The following GPC5 variants were observed in gnomAD, a reference collection of about 807,000 sequenced individuals.
GPC5 encodes glypican-5.
In GPC5, 47 loss-of-function variants were observed where a neutral mutation model predicts 53.9. The observed-to-expected ratio is 0.87, with a 90% CI of 0.69 to 1.11. The LOEUF (loss-of-function observed/expected upper bound fraction) is 1.11. Among genes scored for constraint, GPC5 ranks in the 50% most tolerant of loss-of-function variants. The pLI is 0.00. For synonymous variants in GPC5, 286 were observed against 263.3 expected (o/e 1.09, Z -0.84); for missense variants, 748 against 713.1 (o/e 1.05, Z -0.56).
intron 2 of GPC5, among the ~76,000 whole-genome samples, chr13:91,566,176 C>T (rs534246791): frequency 6.6e-6 from 1 of 152,264 alleles, no homozygotes; most frequent in South Asian, 2.1e-4. Context: ...CAATCTACTA[C>T]AGCCTCAAAA....
chr13:92,427,562 G>GA (rs1876890896), intron 7 of GPC5, among the ~76,000 whole-genome samples: 1 of 151,878 alleles, frequency 6.6e-6, no homozygotes, highest in South Asian at 2.1e-4. Context: ...AGTAATTGTA[G>GA]AAAAATGTCT....
chr13:92,553,924 T>C (rs1299805547), intron 7 of GPC5, among the ~76,000 whole-genome samples: 1 of 151,988 alleles, frequency 6.6e-6, no homozygotes, highest in Non-Finnish European at 1.5e-5. Flanking sequence ...TATGATGGTG[T>C]CATTTGACAA....
At chr13:91,416,968 A>G (rs939466834) in intron 1 of GPC5, among the ~76,000 whole-genome samples, 5 of 152,152 alleles carry the variant, frequency 3.3e-5, no homozygotes, top group African/African-American at 1.2e-4. Flanking sequence ...GCCTTTTACC[A>G]TTCCCTTGAA....
At chr13:92,713,970 G>A (rs9523788) in intron 7 of GPC5, among the ~76,000 whole-genome samples, 24,243 of 152,110 alleles carry the variant, frequency 0.16, 2,178 homozygotes, top group Non-Finnish European at 0.21. Flanking sequence ...TGCAATGCAT[G>A]TTCTTCAAAA....
intron 5 of GPC5, among the ~76,000 whole-genome samples, chr13:91,821,660 A>G (rs1397174508): frequency 1.3e-5 from 2 of 152,154 alleles, no homozygotes; most frequent in Admixed American, 6.5e-5. Context: ...ATTGAATTTT[A>G]TCATATGGAT....
At chr13:92,408,844 A>G (rs1875917617) in intron 7 of GPC5, among the ~76,000 whole-genome samples, 1 of 152,062 alleles carries the variant, frequency 6.6e-6, no homozygotes, top group South Asian at 2.1e-4. Flanking sequence ...ATTCTCTTAT[A>G]AAATCCCCCT....
intron 2 of GPC5, among the ~76,000 whole-genome samples, chr13:91,456,281 C>T (rs573567495): frequency 6.6e-6 from 1 of 151,872 alleles, no homozygotes; most frequent in South Asian, 2.1e-4. Context: ...AAGGTATAGA[C>T]AAAGTGTATA....
chr13:92,673,092 A>T (rs1594407694), intron 7 of GPC5, among the ~76,000 whole-genome samples: 1 of 152,186 alleles, frequency 6.6e-6, no homozygotes, highest in Non-Finnish European at 1.5e-5. Flanking sequence ...AATAAGTTTT[A>T]TATTGATATC....
chr13:91,950,015 G>A (rs1249215525), intron 6 of GPC5, among the ~76,000 whole-genome samples: 1 of 152,084 alleles, frequency 6.6e-6, no homozygotes, highest in Non-Finnish European at 1.5e-5. Context: ...AGGTCTAGTG[G>A]CATCAATTAA....
At chr13:91,524,327 GT>G (rs1233523456) in intron 2 of GPC5, among the ~76,000 whole-genome samples, 5 of 151,684 alleles carry the variant, frequency 3.3e-5, no homozygotes, top group Admixed American at 2.6e-4. Flanking sequence ...AACATGGGGT[GT>G]TTTTTTATGT....
chr13:92,606,282 C>T (rs1302234938), intron 7 of GPC5, among the ~76,000 whole-genome samples: 1 of 152,134 alleles, frequency 6.6e-6, no homozygotes, highest in Non-Finnish European at 1.5e-5. Flanking sequence ...GTTCCCCACC[C>T]TTTGTCCAAG....
At chr13:92,174,335 C>T (rs1481848852) in intron 7 of GPC5, among the ~76,000 whole-genome samples, 5 of 148,240 alleles carry the variant, frequency 3.4e-5, no homozygotes, top group African/African-American at 1.0e-4. Flanking sequence ...TCCTGGCTAA[C>T]ACGGTGAAAC....
chr13:92,005,058 C>T (rs2138761761), intron 6 of GPC5, among the ~76,000 whole-genome samples: 1 of 152,306 alleles, frequency 6.6e-6, no homozygotes, highest in East Asian at 1.9e-4. Flanking sequence ...CCTTTGGCAA[C>T]ATACTCCATA....
chr13:92,063,276 C>T (rs7989318), intron 6 of GPC5, among the ~76,000 whole-genome samples: 84,313 of 151,478 alleles, frequency 0.56, 23,736 homozygotes, highest in East Asian at 0.79. Flanking sequence ...CCAAGACCAG[C>T]TGGGTTTACA....
At chr13:92,664,121 T>C (rs1236944129) in intron 7 of GPC5, among the ~76,000 whole-genome samples, 6 of 151,670 alleles carry the variant, frequency 4.0e-5, no homozygotes, top group Non-Finnish European at 7.4e-5. Flanking sequence ...CCTTCAATTA[T>C]AGAGTTGTAG....
At chr13:91,783,321 A>G (rs904890618) in intron 5 of GPC5, among the ~76,000 whole-genome samples, 5 of 152,208 alleles carry the variant, frequency 3.3e-5, no homozygotes, top group Non-Finnish European at 7.3e-5. Context: ...AGGAAATTAT[A>G]TGCAATTGGT....
At chr13:92,174,176 TA>T (rs201959493) in intron 7 of GPC5, among the ~76,000 whole-genome samples, 1,800 of 152,072 alleles carry the variant, frequency 0.012, 36 homozygotes, top group African/African-American at 0.041. Flanking sequence ...TTTACGTCAT[TA>T]AAAAAATATG....
At chr13:91,417,189 G>A (rs533328150) in intron 1 of GPC5, among the ~76,000 whole-genome samples, 2 of 152,214 alleles carry the variant, frequency 1.3e-5, no homozygotes, top group South Asian at 2.1e-4. Flanking sequence ...TAGGGAGGAA[G>A]GTACAACACT....
intron 2 of GPC5, among the ~76,000 whole-genome samples, chr13:91,585,133 A>T (rs1594291998): frequency 6.6e-6 from 1 of 152,206 alleles, no homozygotes; most frequent in South Asian, 2.1e-4. Flanking sequence ...ATGCAAATTA[A>T]TGGCTCAAAT....
Sources: gnomAD v4.1 joint callset for allele counts (sites outside exome capture counted in the v4.1 genomes callset) on GRCh38, gnomAD v4.1.1 for gene constraint, MANE v1.5 for transcripts, NCBI Gene and HGNC (gene_info 2026-07-23, HGNC 2026-07-21) for gene names.